The following TRMT11 variants were observed in gnomAD, a reference collection of about 807,000 sequenced individuals.
TRMT11 encodes the protein tRNA methyltransferase 11, also known as tRNA (guanine(10)-N(2))-methyltransferase TRMT11.
In TRMT11, 53 loss-of-function variants were observed where a neutral mutation model predicts 62.8. The ratio of observed to expected loss-of-function variants is 0.84; its 90% CI spans 0.68 to 1.06. TRMT11 has a LOEUF of 1.06. TRMT11 is among the 50% of genes least tolerant of loss of function. The pLI is 0.00. For synonymous variants in TRMT11, 188 were observed against 190.3 expected, an observed-to-expected ratio of 0.99 and a Z score of 0.10; for missense variants, 556 against 553.4, an observed-to-expected ratio of 1.00 and a Z score of -0.05.
chr6:126,260,447 AT>A, the TRMT11 span, among the ~76,000 whole-genome samples: 4 of 152,174 alleles, frequency 2.6e-5, no homozygotes, highest in African/African-American at 9.6e-5. Flanking sequence ...ATATCAGAGA[AT>A]TGAGAGATTT....
intron 17 of TRMT11, among the ~76,000 whole-genome samples, chr6:126,078,115 A>G (rs991334847): frequency 6.6e-6 from 1 of 152,198 alleles, no homozygotes; most frequent in Non-Finnish European, 1.5e-5. Flanking sequence ...ATTTACTCAC[A>G]ATCTAGCCCA....
intron 17 of TRMT11, among the ~76,000 whole-genome samples, chr6:126,068,206 G>C (rs1039257832): frequency 2.0e-5 from 3 of 151,866 alleles, no homozygotes; most frequent in African/African-American, 7.3e-5. Flanking sequence ...CTGCATATGA[G>C]CCTTTCTTCT....
At chr6:126,112,847 T>G (rs188539241) in intron 17 of TRMT11, among the ~76,000 whole-genome samples, 104 of 152,148 alleles carry the variant, frequency 6.8e-4, no homozygotes, top group African/African-American at 2.3e-3. Context: ...AGAGTTTTAG[T>G]ATTCTTTTTT....
At chr6:126,061,619 T>C (rs1247105741) in intron 17 of TRMT11, among the ~76,000 whole-genome samples, 4 of 151,890 alleles carry the variant, frequency 2.6e-5, no homozygotes, top group Non-Finnish European at 4.4e-5. Flanking sequence ...CTGTTGCTGT[T>C]ATCTGCCCAG....
chr6:126,262,189 G>A, the TRMT11 span, among the ~76,000 whole-genome samples: 4 of 152,330 alleles, frequency 2.6e-5, no homozygotes, highest in East Asian at 1.9e-4. Context: ...TGAGTGTAGT[G>A]GAGCGGAGGG....
intron 17 of TRMT11, among the ~76,000 whole-genome samples, chr6:126,091,739 G>A (rs536378337): frequency 1.3e-5 from 2 of 152,252 alleles, no homozygotes; most frequent in South Asian, 4.1e-4. Context: ...AGCCTAAGGA[G>A]CACTAGTTAC....
At chr6:126,203,919 TTGTGTGTGTGTG>T (rs71680476), downstream of TRMT11, among the ~76,000 whole-genome samples, 21 of 144,488 alleles carry the variant, frequency 1.5e-4, no homozygotes, top group South Asian at 4.5e-4. Flanking sequence ...GATCATCATT[TTGTGTGTGTGTG>T]TGTGTGTGTG....
At chr6:126,238,194 T>A in the TRMT11 span, among the ~76,000 whole-genome samples, 1 of 152,210 alleles carries the variant, frequency 6.6e-6, no homozygotes, top group East Asian at 1.9e-4. Context: ...GAAGGGTTTT[T>A]TGTGTCTCTA....
At chr6:126,149,845 T>C (rs1778017446) in intron 21 of TRMT11, among the ~76,000 whole-genome samples, 2 of 152,222 alleles carry the variant, frequency 1.3e-5, no homozygotes, top group South Asian at 4.1e-4. Context: ...CCAGCAGTGA[T>C]TCATGAATGT....
chr6:126,056,460 T>C (rs1776376938), intron 17 of TRMT11, among the ~76,000 whole-genome samples: 1 of 152,210 alleles, frequency 6.6e-6, no homozygotes, highest in African/African-American at 2.4e-5. Flanking sequence ...TCTTGAATTC[T>C]GCCATCACCT....
At chr6:126,242,383 C>A in the TRMT11 span, among the ~76,000 whole-genome samples, 8 of 152,134 alleles carry the variant, frequency 5.3e-5, no homozygotes, top group Non-Finnish European at 1.2e-4. Context: ...AGATTCAATG[C>A]CATCCCCATC....
chr6:126,224,252 T>C, the TRMT11 span, among the ~76,000 whole-genome samples: 1,669 of 152,330 alleles, frequency 0.011, 28 homozygotes, highest in African/African-American at 0.036. Flanking sequence ...CTGGCATTCA[T>C]TTTTCATCGT....
rs192292395 is a variant in TRMT11 at position 126,116,976 on chromosome 6, G to A, written c.*1823+1121G>A. Among the ~76,000 whole-genome samples the A allele has an allele frequency of 4.1e-3, 616 of 152,090 alleles. 4 individuals are homozygous for A. Among genetic ancestry groups the A allele is most frequent in the Non-Finnish European group, 6.4e-3 (432 of 67,952 alleles). ...TCAGTCACCATCTGAGAATTTTTGC[G>A]TATACAACAATGTAAAGAAAAACTA... On this transcript the variant is annotated intron_variant and NMD_transcript_variant, in intron 21 of 22. Coordinates refer to the TRMT11 transcript ENST00000648977.
At chr6:125,996,192 G>C (rs574169466) in intron 3 of TRMT11, 152 bp downstream of exon 3, 1 of 553,164 alleles carries the variant, frequency 1.8e-6, no homozygotes, top group African/African-American at 1.9e-5. Flanking sequence ...ACCAGAGGAG[G>C]GTTACCTGCC....
intron 17 of TRMT11, among the ~76,000 whole-genome samples, chr6:126,100,272 A>C (rs1777383745): frequency 6.6e-6 from 1 of 152,122 alleles, no homozygotes; most frequent in African/African-American, 2.4e-5. Context: ...TTTCCATTTT[A>C]TAGATTAGGA....
chr6:126,152,498 A>G (rs1778071338), intron 21 of TRMT11, among the ~76,000 whole-genome samples: 1 of 152,180 alleles, frequency 6.6e-6, no homozygotes, highest in Non-Finnish European at 1.5e-5. Flanking sequence ...TATTAGCATT[A>G]CAAGAAGAAA....
At chr6:126,200,845 G>T (rs569243164) in intron 3 of TRMT11, among the ~76,000 whole-genome samples, 1 of 152,122 alleles carries the variant, frequency 6.6e-6, no homozygotes, top group East Asian at 1.9e-4. Flanking sequence ...GACCCACCGC[G>T]CCCGGCCCGA....
chr6:126,005,502 G>A (rs1000243319), intron 7 of TRMT11, among the ~76,000 whole-genome samples: 12 of 151,964 alleles, frequency 7.9e-5, no homozygotes, highest in African/African-American at 1.2e-4. Flanking sequence ...TGCCTGACAC[G>A]TGGTAGACAT....
chr6:126,238,452 C>G, the TRMT11 span, among the ~76,000 whole-genome samples: 2 of 151,982 alleles, frequency 1.3e-5, no homozygotes, highest in Admixed American at 1.3e-4. Context: ...TTATTTCTGC[C>G]TTCATTTCGT....
Sources: gnomAD v4.1 joint callset for allele counts (sites outside exome capture counted in the v4.1 genomes callset) on GRCh38, gnomAD v4.1.1 for gene constraint, MANE v1.5 for transcripts, NCBI Gene and HGNC (gene_info 2026-07-23, HGNC 2026-07-21) for gene names.